ERICH1: variants seen among roughly 807,000 people sequenced by gnomAD.
The protein encoded by ERICH1 is glutamate-rich protein 1.
ERICH1 carries 56 observed loss-of-function variants against 39.6 expected under a neutral mutation model. That is an observed-to-expected ratio of 1.41 (90% confidence interval 1.14 to 1.77). The LOEUF is 1.77. Among genes scored for constraint, ERICH1 ranks in the 40% most tolerant of loss-of-function variants. ERICH1 has a pLI of 0.00. For synonymous variants in ERICH1, 313 were observed against 223.6 expected, an observed-to-expected ratio of 1.40 and a Z score of -3.57; for missense variants, 826 against 575.4, an observed-to-expected ratio of 1.44 and a Z score of -4.45.
intron 1 of ERICH1, among the ~76,000 whole-genome samples, chr8:724,212 A>G (rs572938963): frequency 1.6e-3 from 251 of 152,244 alleles, no homozygotes; most frequent in Non-Finnish European, 3.1e-3. Context: ...CCCTTCAACA[A>G]AGAAGAAAGC....
intron 3 of ERICH1, among the ~76,000 whole-genome samples, chr8:688,522 CTT>C (rs537306932): frequency 1.1e-3 from 167 of 152,058 alleles, no homozygotes; most frequent in African/African-American, 3.9e-3. Flanking sequence ...GCGCTCTTCC[CTT>C]TCTTAGGCCT....
At chr8:685,918 G>A (rs1040992262) in intron 3 of ERICH1, among the ~76,000 whole-genome samples, 7 of 150,336 alleles carry the variant, frequency 4.7e-5, no homozygotes, top group Admixed American at 3.3e-4. Context: ...GCCAAGGCAA[G>A]CAGATCACTT....
chr8:628,079 C>T (rs977036748), intron 3 of ERICH1, among the ~76,000 whole-genome samples: 1 of 152,214 alleles, frequency 6.6e-6, no homozygotes, highest in Non-Finnish European at 1.5e-5. Flanking sequence ...CTCTCTCTGA[C>T]CCTGCCCGAG....
intron 1 of ERICH1, 102 bp from the exon 2 acceptor site, chr8:716,109 G>A: frequency 7.1e-7 from 1 of 1,399,268 alleles, no homozygotes; most frequent in Non-Finnish European, 9.5e-7. Context: ...CACACATCCT[G>A]AAAGCACCAA....
At chr8:665,650 G>C (rs1220233616) in intron 5 of ERICH1, among the ~76,000 whole-genome samples, 1 of 152,242 alleles carries the variant, frequency 6.6e-6, no homozygotes, top group Non-Finnish European at 1.5e-5. Flanking sequence ...TGCACGGTGG[G>C]AGGAACACTC....
chr8:721,700 A>T (rs192565603), intron 1 of ERICH1, among the ~76,000 whole-genome samples: 8 of 152,352 alleles, frequency 5.3e-5, no homozygotes, highest in Non-Finnish European at 1.0e-4. Flanking sequence ...CTGTAAACAC[A>T]GCCTGTCTTC....
In ERICH1 at chr8:700,420, C is replaced by CTCACA; in HGVS notation, c.170-7809_170-7808insTGTGA. Among the ~76,000 whole-genome samples the CTCACA allele has an allele frequency of 3.2e-5, 3 of 92,550 alleles. 1 individual carries two copies. The highest frequency in any genetic ancestry group is 1.2e-4 in the African/African-American group (3 of 25,676). The allele number at this position is 92,550 out of a possible 152,430, so 60.7% of individuals were successfully genotyped here. A position where few individuals can be genotyped will look rare whatever the true frequency, so the allele number is the denominator to read the frequency against. ...ACAGGCCCGCACAGGCGCACAGGCC[C>CTCACA]GCAGACGCGCACAGGCCCTCACAGG... On this transcript the variant is annotated intron_variant, in intron 2 of 5. Transcript: ENST00000262109.
At chr8:689,877 G>C (rs1808517905) in intron 3 of ERICH1, among the ~76,000 whole-genome samples, 1 of 152,168 alleles carries the variant, frequency 6.6e-6, no homozygotes, top group Non-Finnish European at 1.5e-5. Context: ...ATTCATGTAG[G>C]GCAGTGTTCC....
chr8:698,579 G>A (rs1271164396), intron 2 of ERICH1, among the ~76,000 whole-genome samples: 2 of 151,914 alleles, frequency 1.3e-5, no homozygotes, highest in African/African-American at 4.8e-5. Flanking sequence ...TCAATGACAA[G>A]GTGGTCATTG....
At chr8:721,904 A>C (rs780599505) in intron 1 of ERICH1, among the ~76,000 whole-genome samples, 2 of 152,230 alleles carry the variant, frequency 1.3e-5, no homozygotes, top group Non-Finnish European at 2.9e-5. Context: ...GACAAAAATC[A>C]AGTTAGAGGT....
downstream of ERICH1, among the ~76,000 whole-genome samples, chr8:664,002 G>A (rs1054098649): frequency 7.2e-5 from 11 of 152,224 alleles, no homozygotes; most frequent in South Asian, 4.1e-4. Flanking sequence ...GTTGTGATCC[G>A]CCTGCCTCGG....
chr8:670,082 C>G (rs1243576946), intron 4 of ERICH1, among the ~76,000 whole-genome samples: 1 of 152,194 alleles, frequency 6.6e-6, no homozygotes, highest in Non-Finnish European at 1.5e-5. Context: ...TCTCTCCACT[C>G]TGCATTCTGG....
intron 4 of ERICH1, among the ~76,000 whole-genome samples, chr8:670,777 T>C (rs1803122169): frequency 6.6e-6 from 1 of 151,792 alleles, no homozygotes; most frequent in African/African-American, 2.4e-5. Flanking sequence ...AGCTCCAACC[T>C]CTGAACCCCC....
At chr8:723,143 T>C (rs1817727587) in intron 1 of ERICH1, among the ~76,000 whole-genome samples, 1 of 152,100 alleles carries the variant, frequency 6.6e-6, no homozygotes, top group African/African-American at 2.4e-5. Context: ...CTTCTCCCGC[T>C]CTCCCTCCCT....
At chr8:639,877 AC>A (rs1798801483) in intron 3 of ERICH1, among the ~76,000 whole-genome samples, 1 of 152,170 alleles carries the variant, frequency 6.6e-6, no homozygotes, top group South Asian at 2.1e-4. Flanking sequence ...GTTTTTCAGA[AC>A]CAGCTCTGTT....
At chr8:728,455 C>G (rs1266844870) in intron 1 of ERICH1, among the ~76,000 whole-genome samples, 2 of 152,190 alleles carry the variant, frequency 1.3e-5, no homozygotes, top group African/African-American at 2.4e-5. Flanking sequence ...CAGGCCCCTT[C>G]CTCGAGGAGC....
At chr8:662,734 C>G (rs1255911265), downstream of ERICH1, among the ~76,000 whole-genome samples, 1 of 152,326 alleles carries the variant, frequency 6.6e-6, no homozygotes, top group Non-Finnish European at 1.5e-5. Flanking sequence ...CCAGGTTCCA[C>G]AAGGCCATGG....
At chr8:720,151 T>A (rs1816958617) in intron 1 of ERICH1, among the ~76,000 whole-genome samples, 2 of 152,168 alleles carry the variant, frequency 1.3e-5, no homozygotes, top group Non-Finnish European at 2.9e-5. Flanking sequence ...AAAAGAGGAC[T>A]TGGAGGAAGA....
rs775272180 is a variant in ERICH1, at chr8:668,680, C to T, written c.1176G>A (p.Met392Ile). Residue 392 changes from methionine to isoleucine, a missense_variant, in exon 5 of 6, where the codon ATG becomes ATA. Coordinates refer to ENST00000262109, the MANE Select transcript of ERICH1 (RefSeq NM_207332.3). ...LPSDVSILYH[M>I]KTLLLLQDTE... ...TATCTTGCAGGAGCAGCAGCGTTTT[C>T]ATGTGGTACAGGATGGACACGTCTG... 5.0e-6 allele frequency: 8 copies of T among 1,614,078 alleles called. No individual in the cohort carries two copies. Among genetic ancestry groups the T allele is most frequent in the Non-Finnish European group, 5.9e-6 (7 of 1,180,058 alleles).
Sources: gnomAD v4.1 joint callset for allele counts (sites outside exome capture counted in the v4.1 genomes callset) on GRCh38, gnomAD v4.1.1 for gene constraint, MANE v1.5 for transcripts, NCBI Gene and HGNC (gene_info 2026-07-23, HGNC 2026-07-21) for gene names.